The following SLC16A12 variants were observed in gnomAD, a reference collection of about 807,000 sequenced individuals.
SLC16A12 encodes solute carrier family 16 member 12, also known as monocarboxylate transporter 12.
SLC16A12 carries 17 observed loss-of-function variants against 42.4 expected under a neutral mutation model. That is an observed-to-expected ratio of 0.40 (90% confidence interval 0.27 to 0.60). The LOEUF is 0.60. SLC16A12 is among the 20% of genes least tolerant of loss of function. The pLI is 0.42. For synonymous variants in SLC16A12, 224 were observed against 229.4 expected (o/e 0.98, Z 0.21); for missense variants, 544 against 623.0 (o/e 0.87, Z 1.35).
intron 2 of SLC16A12, among the ~76,000 whole-genome samples, chr10:89,530,500 C>T (rs1466592539): frequency 6.6e-6 from 1 of 151,770 alleles, no homozygotes; most frequent in Non-Finnish European, 1.5e-5. Context: ...TCACTGCAAG[C>T]TCCGCCTCCT....
intron 1 of SLC16A12, among the ~76,000 whole-genome samples, chr10:89,535,171 C>T (rs1843632987): frequency 6.6e-6 from 1 of 151,948 alleles, no homozygotes; most frequent in Non-Finnish European, 1.5e-5. Flanking sequence ...TTGAAAACCA[C>T]AAGAGATGGA....
chr10:89,545,258 T>C (rs1468672173), intron 2 of SLC16A12, among the ~76,000 whole-genome samples: 10 of 152,210 alleles, frequency 6.6e-5, no homozygotes, highest in Non-Finnish European at 8.8e-5. Context: ...AAAATGTTTA[T>C]CATCATAGCC....
chr10:89,536,605 T>G (rs72816757), upstream of SLC16A12, among the ~76,000 whole-genome samples: 7,657 of 152,068 alleles, frequency 0.05, 397 homozygotes, highest in East Asian at 0.29. Context: ...AGTCCTCTCC[T>G]TGTCAGAAGC....
intron 2 of SLC16A12, among the ~76,000 whole-genome samples, chr10:89,494,349 A>C (rs1842892439): frequency 6.6e-6 from 1 of 152,226 alleles, no homozygotes; most frequent in East Asian, 1.9e-4. Context: ...TACATTTAGG[A>C]ATCTGTCTTA....
rs955127993 is a variant in SLC16A12, at chr10:89,436,374, C to T, written c.1029-55G>A. On this transcript the variant is annotated intron_variant, in intron 6 of 7. Transcript: ENST00000371790. Reference sequence around the variant, plus strand: ...AGGAGGTACACATTCTGTAAAAGAGCTTTAGAGCCACGGCTATGCAGCAGT... The same window carrying T: ...AGGAGGTACACATTCTGTAAAAGAGTTTTAGAGCCACGGCTATGCAGCAGT... 5.6e-6 allele frequency: 9 copies of T among 1,605,988 alleles called. No individual in the cohort carries two copies. In the African/African-American group the frequency reaches 1.2e-4, roughly 21 times the overall value.
intron 3 of SLC16A12, among the ~76,000 whole-genome samples, chr10:89,460,885 T>C (rs72816711): frequency 0.037 from 5,671 of 152,178 alleles, 190 homozygotes; most frequent in Non-Finnish European, 0.046. Flanking sequence ...GCATCAATTA[T>C]ATTATTTTGA....
rs1295807851 is a variant in SLC16A12, at chr10:89,527,274, G to GGTACCTGACC, written c.-47+7226_-47+7227insGGTCAGGTAC. On this transcript the variant is annotated intron_variant, in intron 2 of 7. Transcript: ENST00000371790. Reference sequence around the variant, plus strand: ...GAGGTGGGCAGATCACTTGAGGTCAGAAGTTTGAGACCAGCCTGACCAACG... The same window carrying GGTACCTGACC: ...GAGGTGGGCAGATCACTTGAGGTCAGGTACCTGACCAAGTTTGAGACCAGCCTGACCAACG... Among the ~76,000 whole-genome samples the GGTACCTGACC allele has an allele frequency of 5.9e-5, 9 of 152,068 alleles. 1 individual carries two copies. The highest frequency in any genetic ancestry group is 1.5e-5 in the Non-Finnish European group (1 of 68,012).
At chr10:89,499,549 T>C (rs753974947) in intron 2 of SLC16A12, among the ~76,000 whole-genome samples, 3 of 152,176 alleles carry the variant, frequency 2.0e-5, no homozygotes, top group Admixed American at 1.3e-4. Context: ...TCCTGAATGA[T>C]CATCAGGTCA....
chr10:89,502,499 C>T (rs1843003889), intron 2 of SLC16A12, among the ~76,000 whole-genome samples: 1 of 152,072 alleles, frequency 6.6e-6, no homozygotes, highest in African/African-American at 2.4e-5. Flanking sequence ...ACTCCTGATA[C>T]AACTGAGAAC....
At chr10:89,543,235 G>A (rs1843726362) in intron 2 of SLC16A12, among the ~76,000 whole-genome samples, 1 of 152,252 alleles carries the variant, frequency 6.6e-6, no homozygotes, top group African/African-American at 2.4e-5. Flanking sequence ...TAATCTTTTT[G>A]ACTTTTTTTC....
chr10:89,515,556 GT>G (rs1843237278), intron 2 of SLC16A12, among the ~76,000 whole-genome samples: 1 of 152,200 alleles, frequency 6.6e-6, no homozygotes, highest in Non-Finnish European at 1.5e-5. Context: ...GATAAGTGCA[GT>G]TCCAGATGCT....
intron 3 of SLC16A12, among the ~76,000 whole-genome samples, chr10:89,444,307 C>A (rs1026692312): frequency 2.0e-5 from 3 of 151,866 alleles, no homozygotes; most frequent in Non-Finnish European, 4.4e-5. Context: ...TTCTGGAGAA[C>A]TAATTTAGTC....
chr10:89,535,483 G>C lies in SLC16A12; in HGVS notation c.-228C>G, dbSNP rs1393375695. 1 of 152,742 alleles carries C rather than the reference G, an allele frequency of 6.5e-6. No individual in the cohort carries two copies. Among genetic ancestry groups the C allele is most frequent in the African/African-American group, 2.4e-5 (1 of 41,460 alleles). 9.5% of individuals were successfully genotyped at this position (152,742 alleles called of 1,614,324 possible). On this transcript the variant is annotated 5_prime_UTR_variant, in exon 1 of 8. Coordinates refer to ENST00000371790, the MANE Select transcript of SLC16A12 (RefSeq NM_213606.4). ...TCTGCACAACCGTGTCAGGGAGAGG[G>C]AAGAGGGGGAGCCGAGGAAGCTTCT...
chr10:89,552,862 A>G (rs1037991467), intron 2 of SLC16A12, among the ~76,000 whole-genome samples: 4 of 152,240 alleles, frequency 2.6e-5, no homozygotes, highest in Non-Finnish European at 4.4e-5. Flanking sequence ...GTAATGAACA[A>G]TCAAAGAAAT....
intron 3 of SLC16A12, among the ~76,000 whole-genome samples, chr10:89,446,062 G>C (rs997885994): frequency 3.3e-5 from 5 of 152,092 alleles, no homozygotes; most frequent in Non-Finnish European, 1.5e-5. Context: ...AGAGAAAAAA[G>C]AATAAAAAGA....
chr10:89,449,674 A>T (rs960355713), intron 3 of SLC16A12, among the ~76,000 whole-genome samples: 1 of 152,216 alleles, frequency 6.6e-6, no homozygotes, highest in East Asian at 1.9e-4. Context: ...AACCTAGGCA[A>T]TACCATTCAG....
chr10:89,534,659 A>C lies in SLC16A12; in HGVS notation c.-186-19T>G, dbSNP rs1843619916. On this transcript the variant is annotated intron_variant, in intron 1 of 7. Transcript: ENST00000371790. ...CCTGTATCTGCAAAAAAAAAAAAAA[A>C]AAAAAAAAAAAATCCAAAAATTAGC... 1 of 148,616 alleles carries C rather than the reference A, an allele frequency of 6.7e-6. No homozygotes were observed. The highest frequency in any genetic ancestry group is 2.5e-5 in the African/African-American group (1 of 39,974). 9.2% of individuals were successfully genotyped at this position (148,616 alleles called of 1,614,324 possible).
intron 2 of SLC16A12, among the ~76,000 whole-genome samples, chr10:89,482,817 A>C (rs1316448821): frequency 6.6e-6 from 1 of 152,108 alleles, no homozygotes; most frequent in African/African-American, 2.4e-5. Flanking sequence ...GAATAGACCA[A>C]GAAAAAAGAA....
intron 3 of SLC16A12, among the ~76,000 whole-genome samples, chr10:89,445,474 G>C (rs1331376254): frequency 6.6e-6 from 1 of 152,210 alleles, no homozygotes; most frequent in Non-Finnish European, 1.5e-5. Flanking sequence ...GTCTGGAGTG[G>C]ACCTCCAGCA....
Sources: gnomAD v4.1 joint callset for allele counts (sites outside exome capture counted in the v4.1 genomes callset) on GRCh38, gnomAD v4.1.1 for gene constraint, MANE v1.5 for transcripts, NCBI Gene and HGNC (gene_info 2026-07-23, HGNC 2026-07-21) for gene names.